Variants in SV2C observed in about 807,000 individuals in gnomAD.
The protein encoded by SV2C is synaptic vesicle glycoprotein 2C, also known as solute carrier family 22 member B3.
Under a neutral mutation model 79.7 loss-of-function variants are expected in SV2C, and 49 were observed. That is an observed-to-expected ratio of 0.61 (90% CI 0.49 to 0.78). The LOEUF is 0.78. Among genes scored for constraint, SV2C ranks in the 30% least tolerant of loss-of-function variants. SV2C has a pLI of 0.00. For missense variants in SV2C, 833 were observed against 912.9 expected (o/e 0.91, Z 1.13); for synonymous variants, 334 against 333.2 (o/e 1.00, Z -0.03).
At chr5:76,038,076 A>G in the SV2C span, among the ~76,000 whole-genome samples, 1 of 152,262 alleles carries the variant, frequency 6.6e-6, no homozygotes, top group Non-Finnish European at 1.5e-5. Context: ...TTCCGGAGTG[A>G]GGCAATGCCT....
chr5:76,070,335 A>G, the SV2C span, among the ~76,000 whole-genome samples: 1 of 152,162 alleles, frequency 6.6e-6, no homozygotes, highest in Non-Finnish European at 1.5e-5. Flanking sequence ...CACCACAGAG[A>G]CAACTGTGGT....
chr5:76,333,481 G>A lies in SV2C; in HGVS notation c.*7934G>A, dbSNP rs1749241292. 6.6e-6 allele frequency: 1 copy of A among 152,176 alleles called. No homozygotes were observed. Among genetic ancestry groups the A allele is most frequent in the Non-Finnish European group, 1.5e-5 (1 of 68,034 alleles). 9.4% of individuals were successfully genotyped at this position (152,176 alleles called of 1,614,324 possible). The stretch of plus-strand genomic sequence containing the variant: ...TCTATTTTAATGAGATCTTGGCAAT[G>A]GTCCTGTCGGTTTTGGTGTTTGGAT... On this transcript the variant is annotated 3_prime_UTR_variant, in exon 13 of 13. Transcript: ENST00000502798.
At chr5:76,026,997 G>C in the SV2C span, among the ~76,000 whole-genome samples, 1 of 151,158 alleles carries the variant, frequency 6.6e-6, no homozygotes, top group East Asian at 1.9e-4. Flanking sequence ...CAGCTTTTTA[G>C]CTTGGATTAA....
chr5:76,242,771 G>A lies in SV2C; in HGVS notation c.913+32884G>A, dbSNP rs148455900. ...GATGATGCCAGGTGTGGTAGCTCAC[G>A]CCTGTAATCTCAGCACTTTAGGAGC... On this transcript the variant is annotated intron_variant, in intron 4 of 12. Transcript: ENST00000502798. Among the ~76,000 whole-genome samples the A allele has an allele frequency of 8.6e-5, 13 of 152,042 alleles. No homozygotes were observed. In the East Asian group the frequency reaches 2.5e-3, roughly 29 times the overall value.
intron 2 of SV2C, among the ~76,000 whole-genome samples, chr5:76,169,570 G>A (rs1271388964): frequency 6.6e-6 from 1 of 152,168 alleles, no homozygotes; most frequent in Non-Finnish European, 1.5e-5. Flanking sequence ...AGCACTACGG[G>A]AATCCATCAA....
the SV2C span, among the ~76,000 whole-genome samples, chr5:75,903,382 A>ATTTTTTT: frequency 0.014 from 2,146 of 150,950 alleles, 28 homozygotes; most frequent in African/African-American, 0.038. Context: ...TTTTTTTAAA[A>ATTTTTTT]AAAAAAGAAA....
chr5:76,061,371 G>A, the SV2C span, among the ~76,000 whole-genome samples: 5 of 150,300 alleles, frequency 3.3e-5, no homozygotes, highest in South Asian at 2.1e-4. Flanking sequence ...CATTTCCAAA[G>A]GTCTGTAAAG....
At chr5:75,867,572 T>A in the SV2C span, among the ~76,000 whole-genome samples, 9 of 152,226 alleles carry the variant, frequency 5.9e-5, no homozygotes, top group Non-Finnish European at 1.2e-4. Context: ...GAGATACAAA[T>A]GCATAATAGA....
chr5:76,202,935 ATTAACT>A, intron 3 of SV2C, among the ~76,000 whole-genome samples: 1 of 152,376 alleles, frequency 6.6e-6, no homozygotes, highest in Middle Eastern at 3.4e-3. Flanking sequence ...ATATATTAAA[ATTAACT>A]TTACGTGATT....
the SV2C span, among the ~76,000 whole-genome samples, chr5:75,853,542 C>T: frequency 0.022 from 2,392 of 110,398 alleles, 47 homozygotes; most frequent in African/African-American, 0.055. Context: ...GGCAGCACAG[C>T]GAGACTCCTT....
At chr5:75,911,886 G>T in the SV2C span, 2 of 519,226 alleles carry the variant, frequency 3.9e-6, no homozygotes, top group Admixed American at 2.0e-5. Flanking sequence ...AAACTGCCAA[G>T]ACTCCTCTCA....
At chr5:75,946,569 C>T in the SV2C span, among the ~76,000 whole-genome samples, 2 of 151,996 alleles carry the variant, frequency 1.3e-5, no homozygotes, top group Admixed American at 1.3e-4. Flanking sequence ...TTTGCATTAC[C>T]GTATGAATAA....
chr5:76,010,408 C>A, the SV2C span, among the ~76,000 whole-genome samples: 1 of 152,058 alleles, frequency 6.6e-6, no homozygotes, highest in Non-Finnish European at 1.5e-5. Flanking sequence ...GGTTAATGTG[C>A]GTGTTCAAGG....
At chr5:76,230,134 C>A (rs1259102726) in intron 4 of SV2C, among the ~76,000 whole-genome samples, 1 of 152,146 alleles carries the variant, frequency 6.6e-6, no homozygotes, top group Non-Finnish European at 1.5e-5. Flanking sequence ...ATAAAAGCAG[C>A]TGAGTGTAAA....
the SV2C span, among the ~76,000 whole-genome samples, chr5:75,940,155 A>G: frequency 6.6e-6 from 1 of 152,114 alleles, no homozygotes; most frequent in Admixed American, 6.6e-5. Flanking sequence ...TGTTTATTTA[A>G]CAAACAAAAT....
At chr5:76,259,218 T>C (rs1579996292) in intron 4 of SV2C, among the ~76,000 whole-genome samples, 1 of 152,188 alleles carries the variant, frequency 6.6e-6, no homozygotes, top group East Asian at 1.9e-4. Flanking sequence ...AGGATGGGGA[T>C]TGCTGGGTCA....
the SV2C span, among the ~76,000 whole-genome samples, chr5:76,028,956 G>A: frequency 9.2e-5 from 14 of 152,294 alleles, no homozygotes; most frequent in South Asian, 4.1e-4. Context: ...AACAGAAACC[G>A]TATTTTATTC....
chr5:75,955,377 C>T, the SV2C span, among the ~76,000 whole-genome samples: 1 of 151,312 alleles, frequency 6.6e-6, no homozygotes, highest in South Asian at 2.1e-4. Context: ...TTCCTTACAC[C>T]TTACACAAAA....
chr5:76,181,075 C>A (rs534697862), intron 2 of SV2C, among the ~76,000 whole-genome samples: 26 of 136,350 alleles, frequency 1.9e-4, no homozygotes, highest in Admixed American at 1.4e-3. Context: ...CTTGGTGTTA[C>A]ACTTTCCATT....
Sources: gnomAD v4.1 joint callset for allele counts (sites outside exome capture counted in the v4.1 genomes callset) on GRCh38, gnomAD v4.1.1 for gene constraint, MANE v1.5 for transcripts, NCBI Gene and HGNC (gene_info 2026-07-23, HGNC 2026-07-21) for gene names.